The following ASB15 variants were observed in gnomAD, a reference collection of about 807,000 sequenced individuals.
ASB15 encodes ankyrin repeat and SOCS box containing 15, also known as ankyrin repeat and SOCS box protein 15.
A neutral mutation model predicts 58.0 loss-of-function variants in ASB15; 54 were observed. The ratio of observed to expected loss-of-function variants is 0.93; its 90% CI spans 0.75 to 1.17. The LOEUF (loss-of-function observed/expected upper bound fraction) is 1.17, where lower values mean the gene tolerates loss of function less well. Among genes scored for constraint, ASB15 ranks in the 50% most tolerant of loss-of-function variants. The pLI, the probability that ASB15 is intolerant of heterozygous loss-of-function variation, is 0.00. For synonymous variants in ASB15, 249 were observed against 262.4 expected (o/e 0.95, Z 0.50); for missense variants, 680 against 707.4 (o/e 0.96, Z 0.44).
At chr7:123,628,464 A>C (rs992027408) in intron 9 of ASB15, among the ~76,000 whole-genome samples, 2 of 152,152 alleles carry the variant, frequency 1.3e-5, no homozygotes, top group Non-Finnish European at 2.9e-5. Flanking sequence ...CCATGATCCT[A>C]ATGGTCAAGA....
chr7:123,616,565 T>C (rs1800832172), intron 6 of ASB15, 70 bp downstream of exon 6: 1 of 1,470,206 alleles, frequency 6.8e-7, no homozygotes, highest in Non-Finnish European at 9.3e-7. Context: ...TATAAGTGTT[T>C]TCAGTGAACA....
At chr7:123,635,476 G>T (rs1221695632) in intron 11 of ASB15, among the ~76,000 whole-genome samples, 1 of 150,994 alleles carries the variant, frequency 6.6e-6, no homozygotes, top group Non-Finnish European at 1.5e-5. Context: ...ATAACAAAGT[G>T]AAGATTTGAA....
At chr7:123,573,773 A>G (rs980419792) in intron 1 of ASB15, among the ~76,000 whole-genome samples, 2 of 152,116 alleles carry the variant, frequency 1.3e-5, no homozygotes, top group African/African-American at 2.4e-5. Flanking sequence ...TTTAGATCTA[A>G]GTCTAAAGAC....
chr7:123,628,898 A>C lies in ASB15; in HGVS notation c.904A>C (p.Asn302His). The C allele has an allele frequency of 6.4e-7, 1 of 1,565,414 alleles. No individual in the cohort carries two copies. The highest frequency in any genetic ancestry group is 8.6e-7 in the Non-Finnish European group (1 of 1,157,248). ...ATATCTTATCCCAGTAACATCTAAA[A>C]ATGCAATTCGGAAAAGTGGGCTAAC... ...LKYLIPVTSK[N>H]AIRKSGLTPI... Residue 302 changes from asparagine (N) to histidine (H), a missense_variant, in exon 10 of 12, where the codon AAT (asparagine) becomes CAT (histidine). By Grantham distance (68) the Asn-to-His change is moderately conservative. Transcript: ENST00000451215.
intron 1 of ASB15, among the ~76,000 whole-genome samples, chr7:123,570,051 T>C (rs1798865683): frequency 7.9e-6 from 1 of 126,016 alleles, no homozygotes; most frequent in South Asian, 2.3e-4. Flanking sequence ...TTTTTTTTTT[T>C]TGAGACGGAG....
At chr7:123,570,736 C>T (rs1489326570) in intron 1 of ASB15, among the ~76,000 whole-genome samples, 3 of 152,170 alleles carry the variant, frequency 2.0e-5, no homozygotes, top group African/African-American at 7.2e-5. Flanking sequence ...TTCTCCCTTC[C>T]TGTTCCTAAC....
At chr7:123,636,498 A>C (rs556459052) in intron 11 of ASB15, among the ~76,000 whole-genome samples, 2 of 152,288 alleles carry the variant, frequency 1.3e-5, no homozygotes, top group Middle Eastern at 6.8e-3. Context: ...AAAATAAAGA[A>C]GAGATGTGAG....
rs1010623201 is a variant in ASB15, at chr7:123,585,333, C to T, written c.-443+18245C>T. Among the ~76,000 whole-genome samples, 5 of 151,648 alleles carry T rather than the reference C, an allele frequency of 3.3e-5. No individual in the cohort carries two copies. The South Asian group carries it at 1.0e-3, about 31-fold the overall frequency. On this transcript the variant is annotated intron_variant, in intron 1 of 13. Coordinates refer to the ASB15 transcript ENST00000451558. ...AGCAAATTTATCCAAGCAGAAGAGA[C>T]AACTTCCTCCCCCTATTCCCTAAAC...
At chr7:123,573,288 CTT>C (rs35889563) in intron 1 of ASB15, among the ~76,000 whole-genome samples, 111 of 117,878 alleles carry the variant, frequency 9.4e-4, no homozygotes, top group Non-Finnish European at 1.4e-3. Context: ...TCTGGATTTG[CTT>C]TTTTTTTTTT....
At chr7:123,571,028 G>A (rs1436981465) in intron 1 of ASB15, among the ~76,000 whole-genome samples, 1 of 152,172 alleles carries the variant, frequency 6.6e-6, no homozygotes, top group East Asian at 1.9e-4. Flanking sequence ...AGTGGTTCAA[G>A]AACCCCTAGC....
At chr7:123,624,977 C>T in intron 8 of ASB15, 163 bp downstream of exon 8, 1 of 779,334 alleles carries the variant, frequency 1.3e-6, no homozygotes, top group East Asian at 2.8e-5. Context: ...CTCAGTAGAC[C>T]CTTATTCTAC....
chr7:123,578,677 A>G (rs1799139042), intron 1 of ASB15, among the ~76,000 whole-genome samples: 1 of 152,098 alleles, frequency 6.6e-6, no homozygotes, highest in African/African-American at 2.4e-5. Context: ...CAGCAATTTC[A>G]TTCAATAGCT....
At chr7:123,615,478 C>T (rs554551327) in intron 4 of ASB15, 1 of 152,302 alleles carries the variant, frequency 6.6e-6, no homozygotes, top group Admixed American at 6.5e-5. Flanking sequence ...TTTAGAACTT[C>T]AGAGCTTCCT....
chr7:123,624,504 G>A lies in ASB15; in HGVS notation c.452-65G>A. 7 of 1,445,460 alleles carry A rather than the reference G, an allele frequency of 4.8e-6. No homozygotes were observed. In the East Asian group the frequency reaches 6.9e-5, roughly 14 times the overall value. The allele number at this position is 1,445,460 out of a possible 1,614,324, so 89.5% of individuals were successfully genotyped here. A position where few individuals can be genotyped will look rare whatever the true frequency, so the allele number is the denominator to read the frequency against. ...ATTTCAATATTAAATTTAGTAATTA[G>A]TTTAATACCACCTAAGGTATTTGTG... On this transcript the variant is annotated intron_variant, in intron 7 of 11. Coordinates refer to ENST00000451215, the MANE Select transcript of ASB15 (RefSeq NM_001290258.2).
chr7:123,584,073 T>C (rs893947296), intron 1 of ASB15, among the ~76,000 whole-genome samples: 2 of 151,990 alleles, frequency 1.3e-5, no homozygotes, highest in African/African-American at 2.4e-5. Context: ...TGAGCTCTTC[T>C]AGCCACACGG....
At chr7:123,620,551 TA>T (rs1801238330) in intron 7 of ASB15, among the ~76,000 whole-genome samples, 4 of 21,230 alleles carry the variant, frequency 1.9e-4, no homozygotes, top group Admixed American at 5.6e-4. Flanking sequence ...TATATATATA[TA>T]TATTTTTTTT....
chr7:123,620,695 T>TG (rs1801259820), intron 7 of ASB15, among the ~76,000 whole-genome samples: 1 of 145,396 alleles, frequency 6.9e-6, no homozygotes, highest in African/African-American at 2.5e-5. Context: ...CCCGAGTAGC[T>TG]GGGACTACAG....
intron 11 of ASB15, 62 bp from the exon 12 acceptor site, chr7:123,636,747 T>C (rs1802445082): frequency 2.2e-6 from 3 of 1,375,882 alleles, no homozygotes; most frequent in Non-Finnish European, 3.0e-6. Context: ...GAAACAGTCA[T>C]ATCTTAGGGG....
In ASB15 at chr7:123,624,814, G is replaced by C; in HGVS notation, c.697G>C (p.Gly233Arg). Residue 233 changes from glycine to arginine, a missense_variant and splice_region_variant, in exon 8 of 12, where the codon GGT becomes CGT. Gly to Arg is a moderately radical substitution (Grantham distance 125, BLOSUM62 -2). Coordinates refer to ENST00000451215, the MANE Select transcript of ASB15 (RefSeq NM_001290258.2). Reference protein sequence around the residue: ...CDVLEHLIHKGGDVLALADDG... With the variant: ...CDVLEHLIHKRGDVLALADDG... ...CGTGTTAGAACATCTAATCCACAAA[G>C]GTATGTGAAAAGGAGTTACACTTCC... 6.2e-7 allele frequency: 1 copy of C among 1,613,156 alleles called. No homozygotes were observed. Among genetic ancestry groups the C allele is most frequent in the Non-Finnish European group, 8.5e-7 (1 of 1,179,498 alleles).
Sources: allele counts gnomAD v4.1 joint callset (sites outside exome capture counted in the v4.1 genomes callset), GRCh38; gene constraint gnomAD v4.1.1; transcripts MANE v1.5; gene names NCBI Gene and HGNC (gene_info 2026-07-23, HGNC 2026-07-21).